Variants in TTC38 observed in about 807,000 individuals in gnomAD.
The protein encoded by TTC38 is tetratricopeptide repeat domain 38.
Under a neutral mutation model 64.2 loss-of-function variants are expected in TTC38, and 64 were observed. The ratio of observed to expected loss-of-function variants is 1.00; its 90% CI spans 0.81 to 1.23. The LOEUF (loss-of-function observed/expected upper bound fraction) is 1.23. Among genes scored for constraint, TTC38 ranks in the 50% most tolerant of loss-of-function variants. TTC38 has a pLI of 0.00. For missense variants in TTC38, 573 were observed against 615.5 expected, an observed-to-expected ratio of 0.93 and a Z score of 0.73; for synonymous variants, 254 against 249.3, an observed-to-expected ratio of 1.02 and a Z score of -0.18.
In TTC38 at chr22:46,289,512, T is replaced by C. The variant is rs755753568; in HGVS notation, c.1193T>C (p.Leu398Pro). Reference sequence around the variant, plus strand: ...AACCCTGACCGCGTCCTGGAGCTGCTCCTGCCCATCCGCTACCGGATCGTC... The same window carrying C: ...AACCCTGACCGCGTCCTGGAGCTGCCCCTGCCCATCCGCTACCGGATCGTC... Reference protein sequence around the residue: ...DGNPDRVLELLLPIRYRIVQL... With the variant: ...DGNPDRVLELPLPIRYRIVQL... Residue 398 changes from leucine (L) to proline (P), a missense_variant, in exon 12 of 14, where the codon CTC becomes CCC. This residue lies in a region of TTC38 where 371 missense variants were observed against 381.8 expected (regional missense o/e 0.97). Coordinates refer to ENST00000381031, the MANE Select transcript of TTC38 (RefSeq NM_017931.4). 1 of 1,606,928 alleles carries C rather than the reference T, an allele frequency of 6.2e-7. No individual in the cohort carries two copies. The highest frequency in any genetic ancestry group is 8.5e-7 in the Non-Finnish European group (1 of 1,178,760).
chr22:46,279,957 G>C, intron 6 of TTC38: 1 of 369,368 alleles, frequency 2.7e-6, no homozygotes, highest in Non-Finnish European at 5.7e-6. Context: ...CCCGCACTGA[G>C]GGTGGCCAAA....
At chr22:46,279,687 T>C (rs1006555751) in intron 6 of TTC38, among the ~76,000 whole-genome samples, 2 of 152,244 alleles carry the variant, frequency 1.3e-5, no homozygotes, top group African/African-American at 4.8e-5. Flanking sequence ...ATCCGAGACT[T>C]GAGGCTTGAG....
rs2147802150 is a variant in TTC38, at chr22:46,289,551, GC to G, written c.1233del (p.Ser411ArgfsTer12). On this transcript the variant is annotated frameshift_variant, in exon 12 of 14. Transcript: ENST00000381031. LOFTEE classifies it high-confidence loss of function. ...TACCGGATCGTCCAGCTCGGTGGGA[GC>G]AATGCCCAGGTGAGCCGATGGCCGC... ...IRYRIVQLGGSNAQRDVFNQL... is the reference protein window; with the variant it reads ...IRYRIVQLGGXNAQRDVFNQL... The G allele has an allele frequency of 1.3e-6, 2 of 1,588,462 alleles. No homozygotes were observed. The highest frequency in any genetic ancestry group is 4.5e-5 in the East Asian group (2 of 44,666).
intron 2 of TTC38, among the ~76,000 whole-genome samples, chr22:46,269,809 T>C (rs1180199753): frequency 1.3e-5 from 2 of 152,194 alleles, no homozygotes; most frequent in African/African-American, 4.8e-5. Flanking sequence ...TGTTTTTTGT[T>C]TGAGACGGAG....
chr22:46,277,913 G>A (rs758601640), intron 5 of TTC38, among the ~76,000 whole-genome samples: 2 of 152,200 alleles, frequency 1.3e-5, no homozygotes, highest in South Asian at 2.1e-4. Flanking sequence ...AGACAGGAGC[G>A]GGAGGAGACC....
chr22:46,278,792 T>C, intron 6 of TTC38, 131 bp downstream of exon 6: 1 of 789,874 alleles, frequency 1.3e-6, no homozygotes, highest in Non-Finnish European at 2.2e-6. Flanking sequence ...TCAGAGAGAC[T>C]GGGGAGCTCA....
Position 46,281,582 on chromosome 22 carries a change from C to T in TTC38, c.616-17C>T. The T allele has an allele frequency of 6.2e-7, 1 of 1,605,540 alleles. No individual in the cohort carries two copies. Among genetic ancestry groups the T allele is most frequent in the Middle Eastern group, 1.7e-4 (1 of 5,992 alleles). On this transcript the variant is annotated splice_polypyrimidine_tract_variant and intron_variant, in intron 6 of 13. Coordinates refer to ENST00000381031, the MANE Select transcript of TTC38 (RefSeq NM_017931.4). The surrounding 1 kb of genome is among the most constrained non-coding windows in gnomAD (Gnocchi z 5.2). ...GATCTGCTTTATCTGGAATCCTCTTCCCCGCACCCTGCGTAGGCTTTATCT... is the reference window on the plus strand; with the variant it reads ...GATCTGCTTTATCTGGAATCCTCTTTCCCGCACCCTGCGTAGGCTTTATCT...
chr22:46,270,107 G>A lies in TTC38; in HGVS notation c.111+1516G>A, dbSNP rs113294824. On this transcript the variant is annotated intron_variant, in intron 2 of 13. Coordinates refer to ENST00000381031, the MANE Select transcript of TTC38 (RefSeq NM_017931.4). The surrounding 1 kb of genome is among the most constrained non-coding windows in gnomAD (Gnocchi z 4.7). ...GTGCCCGGCCCCTAGTACTCAGTTTGTTACACACCACATCCCCAATCAGTG... is the reference window on the plus strand; with the variant it reads ...GTGCCCGGCCCCTAGTACTCAGTTTATTACACACCACATCCCCAATCAGTG... Among the ~76,000 whole-genome samples the A allele has an allele frequency of 2.1e-4, 32 of 152,210 alleles. No homozygotes were observed. Among genetic ancestry groups the A allele is most frequent in the African/African-American group, 7.5e-4 (31 of 41,518 alleles).
intron 13 of TTC38, among the ~76,000 whole-genome samples, chr22:46,290,293 G>A (rs1470027644): frequency 4.6e-5 from 7 of 152,208 alleles, no homozygotes; most frequent in East Asian, 1.9e-4. Context: ...GCTGGGTACC[G>A]AGAGGGAGCA....
chr22:46,292,938 C>A lies in TTC38; in HGVS notation c.*54C>A. ...ACCTCAGTGGTGGCGTCACTGCGTCCAGTCAGCTGCTCCACCGGGTTAGGG... is the reference window on the plus strand; with the variant it reads ...ACCTCAGTGGTGGCGTCACTGCGTCAAGTCAGCTGCTCCACCGGGTTAGGG... On this transcript the variant is annotated 3_prime_UTR_variant, in exon 14 of 14. Coordinates refer to ENST00000381031, the MANE Select transcript of TTC38 (RefSeq NM_017931.4). This position sits in a 1 kb window ranked among gnomAD's most constrained non-coding sequence, Gnocchi z 6.5. The A allele has an allele frequency of 7.2e-7, 1 of 1,388,156 alleles. No homozygotes were observed. Among genetic ancestry groups the A allele is most frequent in the Non-Finnish European group, 1.0e-6 (1 of 978,000 alleles). The allele number at this position is 1,388,156 out of a possible 1,614,324, so 86.0% of individuals were successfully genotyped here.
intron 10 of TTC38, among the ~76,000 whole-genome samples, chr22:46,287,387 C>T (rs1209759162): frequency 1.3e-5 from 2 of 152,244 alleles, no homozygotes; most frequent in Non-Finnish European, 2.9e-5. Context: ...CACCGCTCCT[C>T]GATGTGGACG....
rs972984130 is a variant in TTC38, at chr22:46,285,446, G to C, written c.834+167G>C. Among the ~76,000 whole-genome samples, 3 of 152,168 alleles carry C rather than the reference G, an allele frequency of 2.0e-5. No homozygotes were observed. In the South Asian group the frequency reaches 6.2e-4, roughly 31 times the overall value. ...TGGGGTTAATTTTGCCAAGAGCAAT[G>C]TTGTAACCCTGCCTATGATGGGGAC... On this transcript the variant is annotated intron_variant, in intron 9 of 13. Coordinates refer to ENST00000381031, the MANE Select transcript of TTC38 (RefSeq NM_017931.4).
At position 46,274,183 on chromosome 22, in the gene TTC38, T is replaced by C; in HGVS notation, c.365+114T>C. 1 of 898,580 alleles carries C rather than the reference T, an allele frequency of 1.1e-6. No homozygotes were observed. The highest frequency in any genetic ancestry group is 1.7e-6 in the Non-Finnish European group (1 of 589,256). 55.7% of individuals were successfully genotyped at this position (898,580 alleles called of 1,614,324 possible). ...GGGGCGGGGTGGGAGAATGCTTCTC[T>C]CCCTGCCTCCTGAGATGCTCTGATG... On this transcript the variant is annotated intron_variant, in intron 4 of 13. Transcript: ENST00000381031. This position sits in a 1 kb window ranked among gnomAD's most constrained non-coding sequence, Gnocchi z 4.8.
Position 46,281,862 on chromosome 22 carries a change from G to A in TTC38, c.735+144G>A. The A allele has an allele frequency of 8.9e-7, 1 of 1,119,756 alleles. No homozygotes were observed. The highest frequency in any genetic ancestry group is 1.3e-6 in the Non-Finnish European group (1 of 762,518). 69.4% of individuals were successfully genotyped at this position (1,119,756 alleles called of 1,614,324 possible). A position where few individuals can be genotyped will look rare whatever the true frequency, so the allele number is the denominator to read the frequency against. ...TCCTCCACCTGCACCTGCCTCAGGT[G>A]TTTGGCTGCTGAGCAGAATGCAATC... On this transcript the variant is annotated intron_variant, in intron 7 of 13. Transcript: ENST00000381031. The surrounding 1 kb of genome is among the most constrained non-coding windows in gnomAD (Gnocchi z 5.2).
chr22:46,276,051 C>T lies in TTC38; in HGVS notation c.539+630C>T, dbSNP rs1286425751. 1.3e-5 allele frequency among the ~76,000 whole-genome samples: 2 copies of T among 152,200 alleles called. No individual in the cohort carries two copies. The highest frequency in any genetic ancestry group is 2.9e-5 in the Non-Finnish European group (2 of 68,036). ...CACAGGACTGACTTCACTGCAGCTT[C>T]ATTACAGAATAGTTGTGAGGTTCGG... On this transcript the variant is annotated intron_variant, in intron 5 of 13. Coordinates refer to ENST00000381031, the MANE Select transcript of TTC38 (RefSeq NM_017931.4). This position sits in a 1 kb window ranked among gnomAD's most constrained non-coding sequence, Gnocchi z 4.7.
At chr22:46,268,125 G>C in intron 1 of TTC38, 53 bp downstream of exon 1, 1 of 1,514,158 alleles carries the variant, frequency 6.6e-7, no homozygotes, top group East Asian at 2.5e-5. Context: ...GGTCCTGGGG[G>C]TGGCCCGGTG....
intron 9 of TTC38, among the ~76,000 whole-genome samples, chr22:46,286,201 G>C (rs923022518): frequency 6.6e-6 from 1 of 151,496 alleles, no homozygotes; most frequent in Non-Finnish European, 1.5e-5. Context: ...AAAAAAAAAA[G>C]CCTGAAGCCT....
chr22:46,268,592 G>C lies in TTC38; in HGVS notation c.111+1G>C, dbSNP rs2147781475. On this transcript the variant is annotated splice_donor_variant, in intron 2 of 13. Coordinates refer to ENST00000381031, the MANE Select transcript of TTC38 (RefSeq NM_017931.4). LOFTEE classifies it high-confidence loss of function. Reference sequence around the variant, plus strand: ...GCTGTTCGATGCCACGCTGACCCAGGTATGCCTGCCGAGAGAGGCCGCGGC... The same window carrying C: ...GCTGTTCGATGCCACGCTGACCCAGCTATGCCTGCCGAGAGAGGCCGCGGC... 1 of 1,613,850 alleles carries C rather than the reference G, an allele frequency of 6.2e-7. No individual in the cohort carries two copies. Among genetic ancestry groups the C allele is most frequent in the South Asian group, 1.1e-5 (1 of 91,086 alleles).
At chr22:46,284,866 C>T (rs1226024298) in intron 8 of TTC38, among the ~76,000 whole-genome samples, 1 of 57,162 alleles carries the variant, frequency 1.7e-5, no homozygotes, top group African/African-American at 5.8e-5. Flanking sequence ...GAGACCCCAT[C>T]TCAAAAAAAA....
Sources: allele counts gnomAD v4.1 joint callset (sites outside exome capture counted in the v4.1 genomes callset), GRCh38; gene constraint gnomAD v4.1.1; regional missense constraint gnomAD v4.1.1; non-coding constraint Gnocchi (gnomAD v3.1); transcripts MANE v1.5; gene names NCBI Gene and HGNC (gene_info 2026-07-23, HGNC 2026-07-21).